The following PRSS23 variants were observed in gnomAD, a reference collection of about 807,000 sequenced individuals.
The protein encoded by PRSS23 is serine protease 23.
Under a neutral mutation model 34.7 loss-of-function variants are expected in PRSS23, and 25 were observed. The observed-to-expected ratio is 0.72, with a 90% CI of 0.53 to 1.01. The LOEUF is 1.01. Ranked by LOEUF, PRSS23 falls within the 50% of genes least tolerant of loss-of-function variation. PRSS23 has a pLI of 0.00. For missense variants in PRSS23, 445 were observed against 475.6 expected (o/e 0.94, Z 0.60); for synonymous variants, 176 against 186.6 (o/e 0.94, Z 0.46).
At chr11:86,884,570 G>A (rs1948790612) in intron 2 of PRSS23, among the ~76,000 whole-genome samples, 1 of 152,176 alleles carries the variant, frequency 6.6e-6, no homozygotes, top group African/African-American at 2.4e-5. Flanking sequence ...CCAAAGTGCT[G>A]GGATTACAGG....
chr11:86,813,237 T>G (rs182224528), downstream of PRSS23, among the ~76,000 whole-genome samples: 43 of 152,310 alleles, frequency 2.8e-4, no homozygotes, highest in African/African-American at 1.0e-3. Context: ...TCAAGCCCAG[T>G]CATCTTGTTT....
intron 2 of PRSS23, among the ~76,000 whole-genome samples, chr11:86,895,743 G>C (rs1324767747): frequency 3.3e-5 from 5 of 152,198 alleles, no homozygotes; most frequent in African/African-American, 1.2e-4. Context: ...GCTGCCCAAA[G>C]TGCCGGGACT....
upstream of PRSS23, chr11:86,800,357 G>A (rs970520503): frequency 1.2e-5 from 9 of 774,728 alleles, no homozygotes; most frequent in South Asian, 5.8e-5. Flanking sequence ...TCGGCCTCAG[G>A]CCCTCTGGGC....
At position 86,928,623 on chromosome 11, in the gene PRSS23, C is replaced by T. The variant is rs371983371; in HGVS notation, c.207-22593C>T. Among the ~76,000 whole-genome samples, 34 of 131,956 alleles carry T rather than the reference C, an allele frequency of 2.6e-4. No individual in the cohort carries two copies. The East Asian group carries it at 4.1e-3, about 16-fold the overall frequency. 86.6% of individuals were successfully genotyped at this position (131,956 alleles called of 152,430 possible). A position where few individuals can be genotyped will look rare whatever the true frequency, so the allele number is the denominator to read the frequency against. ...CCAGAAGACGGAGCTTGCAGTGAGC[C>T]GAGATCGCGCCACTGCACTCCAGCC... is the stretch of plus-strand genomic sequence containing the variant. On this transcript the variant is annotated intron_variant, in intron 2 of 2. Transcript: ENST00000533902.
intron 2 of PRSS23, among the ~76,000 whole-genome samples, chr11:86,915,711 AG>A (rs1949008374): frequency 6.6e-6 from 1 of 151,990 alleles, no homozygotes; most frequent in Non-Finnish European, 1.5e-5. Flanking sequence ...ACTAAATTAT[AG>A]AGCAACTGTA....
At chr11:86,870,811 A>G (rs182900528) in intron 2 of PRSS23, among the ~76,000 whole-genome samples, 2 of 152,216 alleles carry the variant, frequency 1.3e-5, no homozygotes, top group Non-Finnish European at 2.9e-5. Flanking sequence ...GTTCATTTCC[A>G]GTCTTGTATT....
intron 2 of PRSS23, among the ~76,000 whole-genome samples, chr11:86,834,919 C>A (rs1031331905): frequency 3.3e-5 from 5 of 152,120 alleles, no homozygotes; most frequent in African/African-American, 9.7e-5. Flanking sequence ...CACTGCATAC[C>A]CCGCTTTTCG....
chr11:86,936,260 T>C (rs1469913639), intron 2 of PRSS23: 1 of 152,156 alleles, frequency 6.6e-6, no homozygotes. Context: ...TCATTTCTGG[T>C]AATGCCAATT....
chr11:86,877,678 C>T (rs1223015830), intron 2 of PRSS23, among the ~76,000 whole-genome samples: 2 of 152,016 alleles, frequency 1.3e-5, no homozygotes, highest in Non-Finnish European at 1.5e-5. Flanking sequence ...AGTTCTATTC[C>T]ATCTGTCTTT....
intron 2 of PRSS23, among the ~76,000 whole-genome samples, chr11:86,878,524 T>G (rs550556609): frequency 4.6e-5 from 7 of 152,206 alleles, no homozygotes; most frequent in Non-Finnish European, 8.8e-5. Context: ...CTCGGCCTCC[T>G]GAGGTGCCAG....
rs548865654 is a variant in PRSS23, at chr11:86,821,205, T to C, written c.-11-2172T>C. 76 of 617,060 alleles carry C rather than the reference T, an allele frequency of 1.2e-4. No individual in the cohort carries two copies. The South Asian group carries it at 1.4e-3, about 11-fold the overall frequency. 38.2% of individuals were successfully genotyped at this position (617,060 alleles called of 1,614,324 possible). A position where few individuals can be genotyped will look rare whatever the true frequency, so the allele number is the denominator to read the frequency against. ...TCTTCTAAAATTGGTACAATGAGGT[T>C]ATCCCTGGACATCAAATTATATTTC... is the stretch of plus-strand genomic sequence containing the variant. On this transcript the variant is annotated intron_variant, in intron 1 of 2. Coordinates refer to the PRSS23 transcript ENST00000533902.
chr11:86,899,835 A>G (rs1948899624), intron 2 of PRSS23, among the ~76,000 whole-genome samples: 2 of 151,134 alleles, frequency 1.3e-5, no homozygotes. Flanking sequence ...CATTTCTTAA[A>G]AAAAAAAAAA....
At chr11:86,913,289 A>AC (rs35158415) in intron 2 of PRSS23, among the ~76,000 whole-genome samples, 1 of 22,024 alleles carries the variant, frequency 4.5e-5, no homozygotes, top group South Asian at 1.5e-3. Flanking sequence ...AAAAAAAAAA[A>AC]AACCTATTAA....
chr11:86,943,348 G>A (rs1949218369), intron 2 of PRSS23, among the ~76,000 whole-genome samples: 1 of 152,244 alleles, frequency 6.6e-6, no homozygotes, highest in Non-Finnish European at 1.5e-5. Flanking sequence ...GAGGAGGCTG[G>A]GTGCGGTGGC....
chr11:86,875,659 A>G (rs1948718351), intron 2 of PRSS23, among the ~76,000 whole-genome samples: 1 of 152,242 alleles, frequency 6.6e-6, no homozygotes, highest in African/African-American at 2.4e-5. Flanking sequence ...AATTTAAGCA[A>G]CTGCGTAATA....
intron 2 of PRSS23, among the ~76,000 whole-genome samples, chr11:86,877,878 G>A (rs550447243): frequency 2.0e-4 from 30 of 151,192 alleles, no homozygotes; most frequent in Non-Finnish European, 3.4e-4. Context: ...AAGAGGTGGG[G>A]TGGGGGGTGT....
At chr11:86,837,279 A>T (rs936661695) in intron 2 of PRSS23, 4 of 152,276 alleles carry the variant, frequency 2.6e-5, no homozygotes, top group Non-Finnish European at 5.9e-5. Flanking sequence ...AACACTGTGT[A>T]ACAGCTGAGA....
chr11:86,811,779 A>G (rs1355438145), downstream of PRSS23, among the ~76,000 whole-genome samples: 1 of 152,094 alleles, frequency 6.6e-6, no homozygotes, highest in Non-Finnish European at 1.5e-5. Context: ...CAAACCCCAC[A>G]GGAGGTCTTT....
downstream of PRSS23, among the ~76,000 whole-genome samples, chr11:86,812,800 A>G (rs183942028): frequency 1.2e-3 from 184 of 147,834 alleles, no homozygotes; most frequent in African/African-American, 4.5e-3. Context: ...AAAAAAAAAA[A>G]AAAAGAAAAA....
Sources: allele counts gnomAD v4.1 joint callset (sites outside exome capture counted in the v4.1 genomes callset), GRCh38; gene constraint gnomAD v4.1.1; transcripts MANE v1.5; gene names NCBI Gene and HGNC (gene_info 2026-07-23, HGNC 2026-07-21).